GOLGA3: variants seen among roughly 807,000 people sequenced by gnomAD.
The protein encoded by GOLGA3 is golgin A3.
In GOLGA3, 75 loss-of-function variants were observed where a neutral mutation model predicts 169.4. The ratio of observed to expected loss-of-function variants is 0.44; its 90% CI spans 0.37 to 0.54. The LOEUF (loss-of-function observed/expected upper bound fraction) is 0.54. Ranked by LOEUF, GOLGA3 falls within the 20% of genes least tolerant of loss-of-function variation. The pLI is 0.00. For missense variants in GOLGA3, 1,899 were observed against 1,930.0 expected (o/e 0.98, Z 0.30); for synonymous variants, 824 against 822.4 (o/e 1.00, Z -0.03).
At chr12:132,788,274 T>C (rs1377839054) in intron 13 of GOLGA3, among the ~76,000 whole-genome samples, 3 of 152,238 alleles carry the variant, frequency 2.0e-5, no homozygotes, top group African/African-American at 4.8e-5. Flanking sequence ...TGCTGGGACC[T>C]TGGCTCGGTC....
chr12:132,786,719 G>C lies in GOLGA3; in HGVS notation c.2880C>G (p.Ile960Met). The C allele has an allele frequency of 2.5e-6, 4 of 1,607,474 alleles. No homozygotes were observed. Among genetic ancestry groups the C allele is most frequent in the Non-Finnish European group, 3.4e-6 (4 of 1,179,136 alleles). Residue 960 changes from isoleucine (I) to methionine (M), a missense_variant, in exon 14 of 24, where the codon ATC (isoleucine) becomes ATG (methionine). Transcript: ENST00000450791. ...TEANEALKKQ[I>M]EELQQEARKA... The stretch of plus-strand genomic sequence containing the variant: ...TCCGGGCCTCTTGCTGCAACTCTTC[G>C]ATTTGTTTCTTCAGCGCCTCATTGG...
Position 132,784,287 on chromosome 12 carries a change from C to T in GOLGA3, c.3144G>A (p.Glu1048=), listed in dbSNP as rs1166087865. The part of the protein sequence containing the change: ...LALHERIQAL[E]AELQAVSHSK... ...TATGACTGACAGCCTGCAGCTCCGC[C>T]TCCAGGGCCTGGATCCTTTCCTAAG... Residue 1048 remains glutamate, a synonymous_variant, in exon 16 of 24, where the codon GAG becomes GAA. Coordinates refer to ENST00000450791, the MANE Select transcript of GOLGA3 (RefSeq NM_001389683.1). 4 of 1,609,086 alleles carry T rather than the reference C, an allele frequency of 2.5e-6. No individual in the cohort carries two copies. Among genetic ancestry groups the T allele is most frequent in the Middle Eastern group, 1.7e-4 (1 of 6,060 alleles).
chr12:132,794,973 G>A (rs1306847033), intron 11 of GOLGA3, among the ~76,000 whole-genome samples: 3 of 152,204 alleles, frequency 2.0e-5, no homozygotes, highest in Non-Finnish European at 2.9e-5. Context: ...CAGATCATGA[G>A]GTCAAGAGAT....
At position 132,807,235 on chromosome 12, in the gene GOLGA3, A is replaced by G. The variant is rs1165349051; in HGVS notation, c.1232T>C (p.Leu411Pro). ...TCCTTCGAGTCGCATTTTCTCTTTG[A>G]GCACCTGCAGCATCTCCTCCTGTGT... ...AETQEEMLQVLKEKMRLEGQL... is the reference protein window; with the variant it reads ...AETQEEMLQVPKEKMRLEGQL... Residue 411 changes from leucine (L) to proline (P), a missense_variant, in exon 6 of 24, where the codon CTC becomes CCC. Physicochemically the swap from Leu to Pro is moderately conservative, Grantham distance 98. Coordinates refer to ENST00000450791, the MANE Select transcript of GOLGA3 (RefSeq NM_001389683.1). The G allele has an allele frequency of 6.2e-7, 1 of 1,602,086 alleles. No individual in the cohort carries two copies. The highest frequency in any genetic ancestry group is 8.5e-7 in the Non-Finnish European group (1 of 1,173,492).
intron 3 of GOLGA3, 86 bp from the exon 4 acceptor site, chr12:132,813,505 T>A: frequency 1.5e-6 from 1 of 684,502 alleles, no homozygotes; most frequent in Non-Finnish European, 2.6e-6. Flanking sequence ...ATTTTGTACT[T>A]AATTACCCAT....
At position 132,786,294 on chromosome 12, in the gene GOLGA3, T is replaced by G. The variant is rs757391822; in HGVS notation, c.3123+45A>C. The G allele has an allele frequency of 5.2e-6, 7 of 1,347,036 alleles. No homozygotes were observed. The East Asian group carries it at 1.6e-4, about 31-fold the overall frequency. 83.4% of individuals were successfully genotyped at this position (1,347,036 alleles called of 1,614,324 possible). On this transcript the variant is annotated intron_variant, in intron 15 of 23. Transcript: ENST00000450791. ...GCTGATGGAGAGCCCTTCCCTGCAC[T>G]GAGGGGCTGGTGACCCTGGCCGGGG...
In GOLGA3 at chr12:132,822,081, G is replaced by A; in HGVS notation, c.48C>T (p.Ser16=). 1 of 1,607,406 alleles carries A rather than the reference G, an allele frequency of 6.2e-7. No homozygotes were observed. Among genetic ancestry groups the A allele is most frequent in the African/African-American group, 1.3e-5 (1 of 74,466 alleles). Residue 16 remains serine, a synonymous_variant, in exon 2 of 24, where the codon TCC becomes TCT. Coordinates refer to ENST00000450791, the MANE Select transcript of GOLGA3 (RefSeq NM_001389683.1). The stretch of plus-strand genomic sequence containing the variant: ...CGGGGAGAGACGAGGGGCCACTGTG[G>A]GATCTGTCCTCCTGGAGGCCATCTT... ...AEQDGLQEDR[S]HSGPSSLPEA...
chr12:132,826,299 C>CTGGT (rs1331807699), intron 1 of GOLGA3: 1 of 793,076 alleles, frequency 1.3e-6, no homozygotes, highest in Non-Finnish European at 2.0e-6. Flanking sequence ...CCCAGACAGG[C>CTGGT]ACCACCACCT....
intron 4 of GOLGA3, among the ~76,000 whole-genome samples, chr12:132,809,619 T>G (rs1326283845): frequency 6.6e-6 from 1 of 152,208 alleles, no homozygotes; most frequent in Non-Finnish European, 1.5e-5. Context: ...AGGCTTGCAC[T>G]CTTGCCTTCT....
chr12:132,786,636 C>CG, intron 14 of GOLGA3, 57 bp downstream of exon 14: 5 of 1,062,550 alleles, frequency 4.7e-6, no homozygotes, highest in South Asian at 1.8e-5. Flanking sequence ...GCCTCCCCCC[C>CG]GGCCCCCGCA....
intron 15 of GOLGA3, among the ~76,000 whole-genome samples, chr12:132,785,643 T>C (rs1473873329): frequency 1.3e-5 from 2 of 152,210 alleles, no homozygotes; most frequent in Non-Finnish European, 2.9e-5. Flanking sequence ...CCCCACGTTA[T>C]GATACAGTCT....
At chr12:132,822,876 C>T (rs1304107244) in intron 1 of GOLGA3, among the ~76,000 whole-genome samples, 1 of 152,158 alleles carries the variant, frequency 6.6e-6, no homozygotes, top group Non-Finnish European at 1.5e-5. Flanking sequence ...GAGCTGAGAT[C>T]GCACCACTGC....
Position 132,813,369 on chromosome 12 carries a change from G to T in GOLGA3, c.457C>A (p.Gln153Lys). 6.2e-7 allele frequency: 1 copy of T among 1,613,636 alleles called. No homozygotes were observed. The highest frequency in any genetic ancestry group is 1.7e-5 in the Admixed American group (1 of 60,006). The change falls in exon 4 of 24, where the codon CAG becomes AAG. Residue 153 changes from glutamine (Q) to lysine (K), a missense_variant. Transcript: ENST00000450791. The part of the protein sequence containing the change: ...PLEKEEQVRL[Q>K]ARKWLEEQLK... The stretch of plus-strand genomic sequence containing the variant: ...TGCTCTTCCAGCCACTTCCGAGCCT[G>T]AAGTCGGACCTGCTCCTCCTTCTCC...
At chr12:132,785,144 G>A (rs559413947) in intron 15 of GOLGA3, among the ~76,000 whole-genome samples, 8 of 152,306 alleles carry the variant, frequency 5.3e-5, no homozygotes, top group East Asian at 3.9e-4. Context: ...ACAAGACATC[G>A]GCTCGCAGCT....
At chr12:132,778,674 G>A (rs2045379300) in intron 18 of GOLGA3, among the ~76,000 whole-genome samples, 1 of 151,608 alleles carries the variant, frequency 6.6e-6, no homozygotes, top group African/African-American at 2.4e-5. Context: ...AGGCGGGCAG[G>A]TCATCAGGTC....
intron 4 of GOLGA3, among the ~76,000 whole-genome samples, chr12:132,810,183 G>A (rs1949632026): frequency 6.6e-6 from 1 of 152,146 alleles, no homozygotes; most frequent in South Asian, 2.1e-4. Context: ...AGGAGGTGGA[G>A]GTCGTAATAA....
chr12:132,774,936 G>C, intron 22 of GOLGA3: 1 of 571,450 alleles, frequency 1.7e-6, no homozygotes, highest in Non-Finnish European at 3.1e-6. Context: ...TGAATTCACA[G>C]AACGAGGAAA....
chr12:132,773,282 G>A lies in GOLGA3; in HGVS notation c.4320C>T (p.Asp1440=). Residue 1440 remains aspartate (D), a synonymous_variant, in exon 24 of 24, where the codon GAC becomes GAT. Coordinates refer to ENST00000450791, the MANE Select transcript of GOLGA3 (RefSeq NM_001389683.1). The part of the protein sequence containing the change: ...SCLQQLKQEM[D]SLQRQMEEHA... ...GCTCCTCCATCTGGCGCTGCAGGCT[G>A]TCCATCTCCTGCCTGGGACAGAAGA... 1 of 1,426,052 alleles carries A rather than the reference G, an allele frequency of 7.0e-7. No homozygotes were observed. The highest frequency in any genetic ancestry group is 9.3e-7 in the Non-Finnish European group (1 of 1,077,050). The allele number at this position is 1,426,052 out of a possible 1,614,324, so 88.3% of individuals were successfully genotyped here.
chr12:132,803,260 G>A lies in GOLGA3; in HGVS notation c.1598-1291C>T, dbSNP rs183897067. 2.9e-3 allele frequency among the ~76,000 whole-genome samples: 445 copies of A among 152,276 alleles called. 3 individuals are homozygous for A. The highest frequency in any genetic ancestry group is 3.3e-3 in the Non-Finnish European group (226 of 68,032). On this transcript the variant is annotated intron_variant, in intron 7 of 23. Coordinates refer to ENST00000450791, the MANE Select transcript of GOLGA3 (RefSeq NM_001389683.1). ...TCAGCGGGCGCCTAGGATGACTCAC[G>A]TACTCTGCTGCTCCACACGTGTCCA...
Sources: allele counts gnomAD v4.1 joint callset (sites outside exome capture counted in the v4.1 genomes callset), GRCh38; gene constraint gnomAD v4.1.1; transcripts MANE v1.5; gene names NCBI Gene and HGNC (gene_info 2026-07-23, HGNC 2026-07-21).